SH3BGRL2: variants seen among roughly 807,000 people sequenced by gnomAD.
SH3BGRL2 encodes SH3 domain binding glutamate rich protein like 2.
A neutral mutation model predicts 14.8 loss-of-function variants in SH3BGRL2; 21 were observed. That is an observed-to-expected ratio of 1.42 (90% CI 1.01 to 2.05). The LOEUF (loss-of-function observed/expected upper bound fraction) is 2.05. Ranked by LOEUF, SH3BGRL2 falls within the 30% of genes most tolerant of loss-of-function variation. SH3BGRL2 has a pLI of 0.00. For missense variants in SH3BGRL2, 147 were observed against 130.8 expected (o/e 1.12, Z -0.61); for synonymous variants, 50 against 47.8 (o/e 1.05, Z -0.19).
In SH3BGRL2 at chr6:79,672,746, T is replaced by C. The variant is rs558542034; in HGVS notation, c.46-868T>C. ...TCATTCCATCTCAATTAGTATGTAC[T>C]CTTAAATTAAGAAGGTAGGCAACAT... On this transcript the variant is annotated intron_variant, in intron 1 of 3. Transcript: ENST00000369838. 6.6e-5 allele frequency among the ~76,000 whole-genome samples: 10 copies of C among 152,304 alleles called. 1 individual carries two copies. The East Asian group carries it at 1.9e-3, about 29-fold the overall frequency.
At chr6:79,556,264 G>A in the SH3BGRL2 span, among the ~76,000 whole-genome samples, 2 of 151,928 alleles carry the variant, frequency 1.3e-5, no homozygotes, top group Non-Finnish European at 2.9e-5. Context: ...AAGAAACTGA[G>A]GAAAACAGAT....
At chr6:79,639,572 A>G (rs940409447) in intron 1 of SH3BGRL2, among the ~76,000 whole-genome samples, 23 of 152,224 alleles carry the variant, frequency 1.5e-4, no homozygotes, top group Admixed American at 5.2e-4. Context: ...CCTGGGTGAC[A>G]AAGTGAGACC....
chr6:79,653,667 A>G (rs1769348179), intron 1 of SH3BGRL2, among the ~76,000 whole-genome samples: 1 of 152,238 alleles, frequency 6.6e-6, no homozygotes, highest in African/African-American at 2.4e-5. Context: ...CTGTGCCTGA[A>G]TTAGCAGTGA....
At chr6:79,615,590 G>T in the SH3BGRL2 span, among the ~76,000 whole-genome samples, 1 of 152,102 alleles carries the variant, frequency 6.6e-6, no homozygotes, top group African/African-American at 2.4e-5. Flanking sequence ...TTGCTATAAT[G>T]ATTAATTTCA....
At chr6:79,553,667 T>C in the SH3BGRL2 span, among the ~76,000 whole-genome samples, 1 of 152,094 alleles carries the variant, frequency 6.6e-6, no homozygotes, top group East Asian at 1.9e-4. Context: ...ATGTACAGTT[T>C]TATGAGGAAA....
At chr6:79,568,436 ACT>A in the SH3BGRL2 span, among the ~76,000 whole-genome samples, 7 of 152,240 alleles carry the variant, frequency 4.6e-5, no homozygotes, top group East Asian at 1.2e-3. Flanking sequence ...CACGTGAATG[ACT>A]CTCTCAGACA....
At chr6:79,674,092 G>GTGTATGTA (rs142790755) in intron 2 of SH3BGRL2, among the ~76,000 whole-genome samples, 3 of 151,530 alleles carry the variant, frequency 2.0e-5, no homozygotes, top group Non-Finnish European at 4.4e-5. Flanking sequence ...CTGTGTATGT[G>GTGTATGTA]TGTATGTATG....
intron 3 of SH3BGRL2, among the ~76,000 whole-genome samples, chr6:79,697,238 C>A (rs73747428): frequency 0.011 from 1,622 of 151,820 alleles, 30 homozygotes; most frequent in African/African-American, 0.037. Context: ...ATGAAAGTAG[C>A]CTAGACTCCT....
At chr6:79,550,837 G>A in the SH3BGRL2 span, among the ~76,000 whole-genome samples, 1 of 152,100 alleles carries the variant, frequency 6.6e-6, no homozygotes, top group Non-Finnish European at 1.5e-5. Flanking sequence ...GTATCTGTCT[G>A]TCCCCAGCAA....
At chr6:79,651,956 C>A (rs1052752809) in intron 1 of SH3BGRL2, among the ~76,000 whole-genome samples, 1 of 152,122 alleles carries the variant, frequency 6.6e-6, no homozygotes, top group Non-Finnish European at 1.5e-5. Flanking sequence ...TTAGCAGCAT[C>A]CCTGGCTTCT....
the SH3BGRL2 span, among the ~76,000 whole-genome samples, chr6:79,593,925 T>C: frequency 6.6e-6 from 1 of 151,710 alleles, no homozygotes; most frequent in Non-Finnish European, 1.5e-5. Flanking sequence ...ATCAGGAGGC[T>C]GAGGCAGGAG....
chr6:79,537,749 C>A, the SH3BGRL2 span, among the ~76,000 whole-genome samples: 12 of 152,112 alleles, frequency 7.9e-5, no homozygotes, highest in Non-Finnish European at 1.8e-4. Flanking sequence ...TTGGCGACTG[C>A]GTAATGTAAA....
At chr6:79,602,709 C>CA in the SH3BGRL2 span, among the ~76,000 whole-genome samples, 1 of 152,266 alleles carries the variant, frequency 6.6e-6, no homozygotes, top group African/African-American at 2.4e-5. Context: ...TGTCTCAACT[C>CA]AAACGTTAAG....
At chr6:79,667,926 T>C (rs1373894801) in intron 1 of SH3BGRL2, among the ~76,000 whole-genome samples, 1 of 151,990 alleles carries the variant, frequency 6.6e-6, no homozygotes, top group Non-Finnish European at 1.5e-5. Flanking sequence ...CTCATTGTCC[T>C]CTGTGGCTCA....
At chr6:79,596,402 A>G in the SH3BGRL2 span, among the ~76,000 whole-genome samples, 101,844 of 149,866 alleles carry the variant, frequency 0.68, 34,559 homozygotes, top group Non-Finnish European at 0.72. Context: ...TCAAACGATC[A>G]TCCCACCTCA....
At chr6:79,602,006 C>G in the SH3BGRL2 span, among the ~76,000 whole-genome samples, 1 of 152,246 alleles carries the variant, frequency 6.6e-6, no homozygotes, top group Non-Finnish European at 1.5e-5. Flanking sequence ...TCTGAGCTTC[C>G]TAGCCGCCAA....
chr6:79,597,826 C>T, the SH3BGRL2 span, among the ~76,000 whole-genome samples: 4 of 152,096 alleles, frequency 2.6e-5, no homozygotes, highest in East Asian at 7.7e-4. Flanking sequence ...AAAAGACAAC[C>T]CACCAAATGG....
At chr6:79,602,219 T>C in the SH3BGRL2 span, among the ~76,000 whole-genome samples, 1 of 152,206 alleles carries the variant, frequency 6.6e-6, no homozygotes, top group African/African-American at 2.4e-5. Context: ...AAACGGTCTG[T>C]GCCCTCATAG....
At chr6:79,653,203 CA>C (rs1288614713) in intron 1 of SH3BGRL2, among the ~76,000 whole-genome samples, 3 of 151,888 alleles carry the variant, frequency 2.0e-5, no homozygotes, top group Non-Finnish European at 4.4e-5. Context: ...AAATTTCAAG[CA>C]AAAAAGACAA....
Sources: allele counts gnomAD v4.1 joint callset (sites outside exome capture counted in the v4.1 genomes callset), GRCh38; gene constraint gnomAD v4.1.1; transcripts MANE v1.5; gene names NCBI Gene and HGNC (gene_info 2026-07-23, HGNC 2026-07-21).